The following ATP10B variants were observed in gnomAD, a reference collection of about 807,000 sequenced individuals.
ATP10B encodes the protein ATPase phospholipid transporting 10B (putative), also known as phospholipid-transporting ATPase VB.
A neutral mutation model predicts 141.2 loss-of-function variants in ATP10B; 122 were observed. The ratio of observed to expected loss-of-function variants is 0.86; its 90% CI spans 0.75 to 1.00. The LOEUF is 1.00. Ranked by LOEUF, ATP10B falls within the 50% of genes least tolerant of loss-of-function variation. The probability of loss-of-function intolerance (pLI) is 0.00; values close to 1 mark genes in which losing one functional copy is unlikely to be tolerated. For missense variants in ATP10B, 1,876 were observed against 1,825.3 expected (o/e 1.03, Z -0.51); for synonymous variants, 685 against 692.0 (o/e 0.99, Z 0.16).
chr5:160,891,708 G>T, the ATP10B span, among the ~76,000 whole-genome samples: 2 of 152,204 alleles, frequency 1.3e-5, no homozygotes, highest in East Asian at 1.9e-4. Flanking sequence ...AAAGTGCTGG[G>T]ATTACAGGTG....
chr5:160,874,598 G>A, the ATP10B span, among the ~76,000 whole-genome samples: 11 of 152,124 alleles, frequency 7.2e-5, no homozygotes, highest in Admixed American at 7.2e-4. Flanking sequence ...GCTACAGGAG[G>A]ACATTCAAAC....
At chr5:160,608,720 A>C (rs1043359190) in intron 18 of ATP10B, among the ~76,000 whole-genome samples, 10 of 152,254 alleles carry the variant, frequency 6.6e-5, no homozygotes, top group Non-Finnish European at 8.8e-5. Flanking sequence ...TGGCTGCATA[A>C]ATGTCTTCTT....
intron 24 of ATP10B, among the ~76,000 whole-genome samples, chr5:160,580,289 T>C (rs1004760866): frequency 6.6e-6 from 1 of 152,244 alleles, no homozygotes; most frequent in Non-Finnish European, 1.5e-5. Flanking sequence ...AGTATGATAT[T>C]GGCTATGGGT....
chr5:160,820,091 T>C (rs1250934270), intron 1 of ATP10B, among the ~76,000 whole-genome samples: 1 of 151,420 alleles, frequency 6.6e-6, no homozygotes, highest in Admixed American at 6.6e-5. Flanking sequence ...AAACAAAAAG[T>C]TGATTTTTTT....
intron 1 of ATP10B, among the ~76,000 whole-genome samples, chr5:160,848,085 G>A (rs1776234030): frequency 6.6e-6 from 1 of 152,132 alleles, no homozygotes; most frequent in South Asian, 2.1e-4. Context: ...TACACTATAT[G>A]TAAACATACA....
the ATP10B span, among the ~76,000 whole-genome samples, chr5:160,860,506 C>T: frequency 6.6e-6 from 1 of 151,784 alleles, no homozygotes; most frequent in African/African-American, 2.4e-5. Context: ...AATATGAAAT[C>T]TCCTACACCA....
intron 3 of ATP10B, 45 bp from the exon 4 acceptor site, chr5:160,688,988 A>G (rs2127748305): frequency 1.0e-6 from 1 of 966,430 alleles, no homozygotes; most frequent in Non-Finnish European, 1.2e-6. Context: ...CCCAGGTGGC[A>G]AAGAAATGCT....
chr5:160,669,767 A>G (rs113006381), intron 7 of ATP10B, among the ~76,000 whole-genome samples: 2,509 of 151,318 alleles, frequency 0.017, 70 homozygotes, highest in African/African-American at 0.058. Context: ...GGGGCTGGCT[A>G]TTTTTTAAAT....
intron 7 of ATP10B, among the ~76,000 whole-genome samples, chr5:160,660,828 A>G (rs182651143): frequency 1.3e-5 from 2 of 152,366 alleles, no homozygotes; most frequent in Non-Finnish European, 1.5e-5. Flanking sequence ...ACCATGTTGT[A>G]AAAGTATAGC....
At chr5:160,918,180 G>A in the ATP10B span, among the ~76,000 whole-genome samples, 1 of 152,224 alleles carries the variant, frequency 6.6e-6, no homozygotes, top group Non-Finnish European at 1.5e-5. Context: ...TAGGTGCTAA[G>A]GGAAAGTGGA....
chr5:160,574,151 T>G (rs548996882), intron 24 of ATP10B, among the ~76,000 whole-genome samples: 100 of 152,328 alleles, frequency 6.6e-4, no homozygotes, highest in Admixed American at 1.4e-3. Flanking sequence ...TACATCTGGC[T>G]GGGTGCGGTG....
Position 160,776,760 on chromosome 5 carries a change from G to A in ATP10B, c.-331+8799C>T, listed in dbSNP as rs549513436. 2.0e-5 allele frequency among the ~76,000 whole-genome samples: 3 copies of A among 152,286 alleles called. No homozygotes were observed. The South Asian group carries it at 6.2e-4, about 32-fold the overall frequency. ...GTTCAGTCAGCCTAGTCATCTCTACGCTTATAACAATATGTCCATACTTGA... is the reference window on the plus strand; with the variant it reads ...GTTCAGTCAGCCTAGTCATCTCTACACTTATAACAATATGTCCATACTTGA... On this transcript the variant is annotated intron_variant, in intron 2 of 25. Coordinates refer to ENST00000327245, the MANE Select transcript of ATP10B (RefSeq NM_025153.3).
the ATP10B span, among the ~76,000 whole-genome samples, chr5:160,899,806 A>C: frequency 6.6e-6 from 1 of 152,182 alleles, no homozygotes; most frequent in African/African-American, 2.4e-5. Flanking sequence ...AGCTCCTGTC[A>C]GTGGATATAA....
rs1171937299 is a variant in ATP10B at position 160,644,172 on chromosome 5, G to GT, written c.833dup (p.Asn278LysfsTer15). 3.1e-6 allele frequency: 5 copies of GT among 1,614,032 alleles called. No individual in the cohort carries two copies. Among genetic ancestry groups the GT allele is most frequent in the Non-Finnish European group, 4.2e-6 (5 of 1,179,938 alleles). On this transcript the variant is annotated frameshift_variant, in exon 9 of 26. Transcript: ENST00000327245. LOFTEE classifies it high-confidence loss of function. ...TGACAATGCCAACAGCCATCTCGGT[G>GT]TTTCTGATGGTGCAGCCTCGAAGCA... is the stretch of plus-strand genomic sequence containing the variant.
the ATP10B span, among the ~76,000 whole-genome samples, chr5:160,858,595 C>T: frequency 1.3e-5 from 2 of 151,878 alleles, no homozygotes; most frequent in Non-Finnish European, 2.9e-5. Flanking sequence ...GGCATAATCA[C>T]TTGCATATAA....
At chr5:160,812,020 C>CACACAGAGAGAGAGAGAGAG (rs1211580744) in intron 1 of ATP10B, among the ~76,000 whole-genome samples, 3 of 111,420 alleles carry the variant, frequency 2.7e-5, no homozygotes, top group Non-Finnish European at 4.0e-5. Context: ...GAGACAGAGA[C>CACACAGAGAGAGAGAGAGAG]AGAGAGAGAG....
chr5:160,684,893 G>A, intron 6 of ATP10B: 1 of 703,346 alleles, frequency 1.4e-6, no homozygotes. Flanking sequence ...TACCTCCGGA[G>A]GTCTTCCCAA....
In ATP10B at chr5:160,622,500, G is replaced by T. The variant is rs1317059141; in HGVS notation, c.1706C>A (p.Pro569His). Residue 569 changes from proline (P) to histidine (H), a missense_variant, in exon 14 of 26, where the codon CCT becomes CAT. Transcript: ENST00000327245. The stretch of plus-strand genomic sequence containing the variant: ...GGTGGTGGAGAGGGAAGCCTTGGCA[G>T]GTCTGCTGTCTGACAAGGTCTCCAA... ...LWLETLSDSRPAKASLSTTSS... is the reference protein window; with the variant it reads ...LWLETLSDSRHAKASLSTTSS... 1 of 1,613,956 alleles carries T rather than the reference G, an allele frequency of 6.2e-7. No individual in the cohort carries two copies. The highest frequency in any genetic ancestry group is 1.1e-5 in the South Asian group (1 of 91,058).
chr5:160,644,761 C>A (rs1346521235), intron 8 of ATP10B, among the ~76,000 whole-genome samples: 2 of 152,086 alleles, frequency 1.3e-5, no homozygotes, highest in Non-Finnish European at 2.9e-5. Context: ...ATGCCTGTCC[C>A]AGGAAACTCA....
Sources: gnomAD v4.1 joint callset for allele counts (sites outside exome capture counted in the v4.1 genomes callset) on GRCh38, gnomAD v4.1.1 for gene constraint, MANE v1.5 for transcripts, NCBI Gene and HGNC (gene_info 2026-07-23, HGNC 2026-07-21) for gene names.